The following IGSF21 variants were observed in gnomAD, a reference collection of about 807,000 sequenced individuals.
IGSF21 encodes immunoglobin superfamily member 21, also known as immunoglobulin superfamily member 21.
In IGSF21, 28 loss-of-function variants were observed where a neutral mutation model predicts 46.8. The observed-to-expected ratio is 0.60, with a 90% confidence interval of 0.44 to 0.82. The LOEUF (loss-of-function observed/expected upper bound fraction) is 0.82. IGSF21 is among the 40% of genes least tolerant of loss of function. The pLI is 0.00. For missense variants in IGSF21, 624 were observed against 665.5 expected, an observed-to-expected ratio of 0.94 and a Z score of 0.69; for synonymous variants, 284 against 273.6, an observed-to-expected ratio of 1.04 and a Z score of -0.38.
At chr1:18,252,290 C>T (rs549567625) in intron 2 of IGSF21, among the ~76,000 whole-genome samples, 24 of 152,128 alleles carry the variant, frequency 1.6e-4, no homozygotes, top group African/African-American at 5.5e-4. Flanking sequence ...ACCTCGCGAT[C>T]CACCCACCTC....
chr1:18,275,468 A>C (rs1443855528), intron 2 of IGSF21, among the ~76,000 whole-genome samples: 1 of 152,066 alleles, frequency 6.6e-6, no homozygotes, highest in Non-Finnish European at 1.5e-5. Flanking sequence ...TCCCACCGGG[A>C]GTGTCTTGGT....
intron 4 of IGSF21, among the ~76,000 whole-genome samples, chr1:18,360,654 T>C (rs2086090749): frequency 1.3e-5 from 2 of 152,148 alleles, no homozygotes; most frequent in African/African-American, 2.4e-5. Flanking sequence ...GCTGGGTAAA[T>C]CAGAACTGAC....
chr1:18,277,794 T>A (rs890877555), intron 2 of IGSF21, among the ~76,000 whole-genome samples: 2 of 152,194 alleles, frequency 1.3e-5, no homozygotes, highest in Non-Finnish European at 2.9e-5. Flanking sequence ...TACCGTATAA[T>A]TCGTTGATAC....
At position 18,336,895 on chromosome 1, in the gene IGSF21, CAA is replaced by C. The variant is rs2085773598; in HGVS notation, c.424+1886_424+1887del. On this transcript the variant is annotated intron_variant, in intron 4 of 9. Coordinates refer to ENST00000251296, the MANE Select transcript of IGSF21 (RefSeq NM_032880.5). Reference sequence around the variant, plus strand: ...AAGACACATCTCACATGGTGGAAGACAAGAGAACTTGTGCAGGGAAACTCCCC... The same window carrying C: ...AAGACACATCTCACATGGTGGAAGACGAGAACTTGTGCAGGGAAACTCCCC... Among the ~76,000 whole-genome samples, 3 of 152,146 alleles carry C rather than the reference CAA, an allele frequency of 2.0e-5. No homozygotes were observed. The South Asian group carries it at 6.2e-4, about 32-fold the overall frequency.
intron 3 of IGSF21, among the ~76,000 whole-genome samples, chr1:18,310,606 G>C (rs777506891): frequency 8.5e-5 from 13 of 152,192 alleles, no homozygotes; most frequent in Non-Finnish European, 1.5e-4. Flanking sequence ...GAGGACGTGT[G>C]GGGTGCAGGG....
intron 1 of IGSF21, among the ~76,000 whole-genome samples, chr1:18,188,553 A>G (rs2086925947): frequency 1.3e-5 from 2 of 152,176 alleles, no homozygotes; most frequent in Non-Finnish European, 2.9e-5. Flanking sequence ...ACATTTTGGA[A>G]CTTGGACTTT....
At chr1:18,171,421 C>T (rs1350577260) in intron 1 of IGSF21, among the ~76,000 whole-genome samples, 1 of 152,082 alleles carries the variant, frequency 6.6e-6, no homozygotes, top group Non-Finnish European at 1.5e-5. Context: ...CCTGAAGGTC[C>T]ACGATTCCTG....
chr1:18,276,930 A>G (rs757755396), intron 2 of IGSF21, among the ~76,000 whole-genome samples: 2 of 152,156 alleles, frequency 1.3e-5, no homozygotes, highest in Non-Finnish European at 2.9e-5. Flanking sequence ...AAATTATCAG[A>G]ACTTTTATAT....
At chr1:18,278,628 A>G (rs375766605) in intron 2 of IGSF21, among the ~76,000 whole-genome samples, 3 of 151,918 alleles carry the variant, frequency 2.0e-5, no homozygotes, top group African/African-American at 7.3e-5. Context: ...ATCTTGGCTT[A>G]TTACAGCCTC....
chr1:18,313,418 G>T (rs986704904), intron 3 of IGSF21, among the ~76,000 whole-genome samples: 21 of 152,210 alleles, frequency 1.4e-4, no homozygotes, highest in African/African-American at 4.8e-4. Context: ...GGAATCCTAG[G>T]CAAGTCACTC....
At chr1:18,155,044 G>A (rs1202209230) in intron 1 of IGSF21, among the ~76,000 whole-genome samples, 3 of 152,028 alleles carry the variant, frequency 2.0e-5, no homozygotes, top group South Asian at 2.1e-4. Context: ...AGAGGCCAGC[G>A]CTACTAGATT....
At chr1:18,288,963 T>C (rs974935131) in intron 2 of IGSF21, among the ~76,000 whole-genome samples, 1 of 152,172 alleles carries the variant, frequency 6.6e-6, no homozygotes, top group African/African-American at 2.4e-5. Flanking sequence ...GTCTCGTCCT[T>C]GAAACTCCCC....
At chr1:18,224,088 CA>C (rs1390171108) in intron 1 of IGSF21, among the ~76,000 whole-genome samples, 1 of 152,188 alleles carries the variant, frequency 6.6e-6, no homozygotes, top group Non-Finnish European at 1.5e-5. Flanking sequence ...GGGTAACATT[CA>C]AAGAGGCACC....
intron 2 of IGSF21, among the ~76,000 whole-genome samples, chr1:18,243,195 C>T (rs190926894): frequency 1.3e-5 from 2 of 152,282 alleles, no homozygotes; most frequent in East Asian, 1.9e-4. Flanking sequence ...TGGACCCCTC[C>T]CTAGAGATGT....
At chr1:18,128,768 C>T (rs1249592682) in intron 1 of IGSF21, among the ~76,000 whole-genome samples, 2 of 149,150 alleles carry the variant, frequency 1.3e-5, no homozygotes, top group Non-Finnish European at 3.0e-5. Flanking sequence ...CTGAGTTAGC[C>T]ACTGTCTCTT....
intron 2 of IGSF21, among the ~76,000 whole-genome samples, chr1:18,247,048 CT>C (rs34980016): frequency 0.18 from 21,837 of 122,340 alleles, 1,940 homozygotes; most frequent in African/African-American, 0.37. Context: ...AGCTGGAATT[CT>C]TTTTTTTTTT....
chr1:18,140,950 C>A (rs536438078), intron 1 of IGSF21, among the ~76,000 whole-genome samples: 1 of 152,356 alleles, frequency 6.6e-6, no homozygotes, highest in East Asian at 1.9e-4. Context: ...CCTCTGCTCC[C>A]TGTGGCCTTT....
rs34016995 is a variant in IGSF21, at chr1:18,109,274, C to G, written c.70+1076C>G. ...GAGCCGCAGGCACCGAGACTACAGG[C>G]TCCGCGTCCGGGATCCTCCTCGGAG... On this transcript the variant is annotated intron_variant, in intron 1 of 9. Transcript: ENST00000251296. The surrounding 1 kb of genome is among the most constrained non-coding windows in gnomAD (Gnocchi z 4.8). The G allele has an allele frequency of 0.018, 2,796 of 152,146 alleles. 29 individuals carry two copies. Among genetic ancestry groups the G allele is most frequent in the East Asian group, 0.049 (251 of 5,136 alleles). The allele number at this position is 152,146 out of a possible 1,614,324, so 9.4% of individuals were successfully genotyped here.
intron 6 of IGSF21, among the ~76,000 whole-genome samples, chr1:18,367,883 C>A (rs576581604): frequency 2.6e-5 from 4 of 151,982 alleles, no homozygotes; most frequent in African/African-American, 9.7e-5. Flanking sequence ...GGGTTACAGA[C>A]GTGAGCCACC....
Sources: gnomAD v4.1 joint callset for allele counts (sites outside exome capture counted in the v4.1 genomes callset) on GRCh38, gnomAD v4.1.1 for gene constraint, Gnocchi (gnomAD v3.1) non-coding constraint, MANE v1.5 for transcripts, NCBI Gene and HGNC (gene_info 2026-07-23, HGNC 2026-07-21) for gene names.